PREX1: variants seen among roughly 807,000 people sequenced by gnomAD.
PREX1 encodes phosphatidylinositol 3,4,5-trisphosphate-dependent Rac exchanger 1 protein.
PREX1 carries 41 observed loss-of-function variants against 198.3 expected under a neutral mutation model. That is an observed-to-expected ratio of 0.21 (90% CI 0.16 to 0.27). The LOEUF (loss-of-function observed/expected upper bound fraction) is 0.27, where lower values mean the gene tolerates loss of function less well. Ranked by LOEUF, PREX1 falls within the 10% of genes least tolerant of loss-of-function variation. The pLI is 1.00. For synonymous variants in PREX1, 843 were observed against 887.2 expected, an observed-to-expected ratio of 0.95 and a Z score of 0.89; for missense variants, 1,620 against 2,200.7, an observed-to-expected ratio of 0.74 and a Z score of 5.28.
intron 5 of PREX1, among the ~76,000 whole-genome samples, chr20:48,723,260 G>A (rs2089993966): frequency 6.6e-6 from 1 of 152,174 alleles, no homozygotes; most frequent in African/African-American, 2.4e-5. Flanking sequence ...CCCCTGCAAG[G>A]GCATCTGAAT....
At chr20:48,667,173 G>GA (rs1430592899) in intron 14 of PREX1, among the ~76,000 whole-genome samples, 10 of 152,172 alleles carry the variant, frequency 6.6e-5, no homozygotes, top group Admixed American at 5.9e-4. Flanking sequence ...ACACACTAAG[G>GA]AAGGCAGAGC....
intron 5 of PREX1, among the ~76,000 whole-genome samples, chr20:48,720,660 C>T (rs2089981103): frequency 6.6e-6 from 1 of 152,070 alleles, no homozygotes; most frequent in African/African-American, 2.4e-5. Flanking sequence ...TTCTGGAAAG[C>T]TATGAGTAGT....
At chr20:48,644,185 G>A (rs527777063) in intron 27 of PREX1, among the ~76,000 whole-genome samples, 15 of 152,332 alleles carry the variant, frequency 9.8e-5, no homozygotes, top group Admixed American at 3.3e-4. Flanking sequence ...CTAAGAGGGC[G>A]GAGATGTTTG....
chr20:48,733,555 T>G (rs1430755051), intron 4 of PREX1, among the ~76,000 whole-genome samples: 1 of 152,214 alleles, frequency 6.6e-6, no homozygotes, highest in East Asian at 1.9e-4. Flanking sequence ...CGGGAGAGCC[T>G]GCCTGGGAAT....
chr20:48,881,885 C>G, the PREX1 span, among the ~76,000 whole-genome samples: 1 of 151,956 alleles, frequency 6.6e-6, no homozygotes, highest in Non-Finnish European at 1.5e-5. Context: ...CAAAAGAAAC[C>G]CCATCCCCAT....
intron 19 of PREX1, 37 bp downstream of exon 19, chr20:48,655,253 C>T: frequency 6.7e-7 from 1 of 1,492,128 alleles, no homozygotes; most frequent in Non-Finnish European, 9.2e-7. Context: ...CCACCATCTT[C>T]TGCACCTTTC....
chr20:48,702,610 G>C (rs2089881224), intron 6 of PREX1, among the ~76,000 whole-genome samples: 1 of 152,212 alleles, frequency 6.6e-6, no homozygotes, highest in South Asian at 2.1e-4. Flanking sequence ...TCCAGAGGCT[G>C]GGGTGGTGGG....
chr20:48,860,615 T>A, the PREX1 span, among the ~76,000 whole-genome samples: 2 of 151,598 alleles, frequency 1.3e-5, no homozygotes, highest in Non-Finnish European at 2.9e-5. Flanking sequence ...CCGAGGCGGG[T>A]GGATCATGAG....
At chr20:48,670,484 A>AC (rs894997263) in intron 14 of PREX1, among the ~76,000 whole-genome samples, 2 of 151,324 alleles carry the variant, frequency 1.3e-5, no homozygotes, top group Non-Finnish European at 2.9e-5. Context: ...CAGCCTGCTG[A>AC]CCCCCTGCCC....
chr20:48,677,078 C>T (rs954465032), intron 13 of PREX1, among the ~76,000 whole-genome samples: 3 of 152,232 alleles, frequency 2.0e-5, no homozygotes, highest in East Asian at 1.9e-4. Context: ...CATGCCAAGG[C>T]TGATAAAGTC....
chr20:48,806,251 G>C (rs764211317), intron 1 of PREX1, among the ~76,000 whole-genome samples: 2 of 152,172 alleles, frequency 1.3e-5, no homozygotes, highest in Admixed American at 1.3e-4. Context: ...AGCTCCAGGA[G>C]GACAAAGATC....
At chr20:48,817,927 A>G (rs972698580) in intron 1 of PREX1, among the ~76,000 whole-genome samples, 1 of 152,146 alleles carries the variant, frequency 6.6e-6, no homozygotes, top group African/African-American at 2.4e-5. Context: ...GAGGCAGACA[A>G]TAAGTAATAA....
At chr20:48,864,200 G>T in the PREX1 span, among the ~76,000 whole-genome samples, 1 of 152,172 alleles carries the variant, frequency 6.6e-6, no homozygotes, top group African/African-American at 2.4e-5. Flanking sequence ...AAGAAACTGA[G>T]GCTAAGGGAG....
intron 1 of PREX1, among the ~76,000 whole-genome samples, chr20:48,758,422 G>A (rs1268578934): frequency 2.0e-5 from 3 of 152,146 alleles, no homozygotes; most frequent in African/African-American, 7.2e-5. Context: ...TGGTTGAGGT[G>A]TCGCAATGCA....
At chr20:48,870,253 A>T in the PREX1 span, among the ~76,000 whole-genome samples, 17 of 152,328 alleles carry the variant, frequency 1.1e-4, no homozygotes, top group African/African-American at 3.4e-4. Context: ...ATACTGATTT[A>T]AAAAACTAAA....
intron 5 of PREX1, among the ~76,000 whole-genome samples, chr20:48,722,503 G>C (rs1255050891): frequency 6.6e-6 from 1 of 152,212 alleles, no homozygotes; most frequent in Non-Finnish European, 1.5e-5. Context: ...TCTTTTGGGG[G>C]TGACAGAAAT....
At chr20:48,882,295 G>A in the PREX1 span, among the ~76,000 whole-genome samples, 1 of 152,024 alleles carries the variant, frequency 6.6e-6, no homozygotes, top group Non-Finnish European at 1.5e-5. Context: ...GAGGTCAGGA[G>A]ATCAAGACCA....
chr20:48,788,435 T>G (rs1242830242), intron 1 of PREX1, among the ~76,000 whole-genome samples: 5 of 152,130 alleles, frequency 3.3e-5, no homozygotes, highest in African/African-American at 1.2e-4. Context: ...GCTTCAGCTC[T>G]TTGGCCACCA....
At chr20:48,788,693 G>A (rs2090324017) in intron 1 of PREX1, among the ~76,000 whole-genome samples, 1 of 152,226 alleles carries the variant, frequency 6.6e-6, no homozygotes, top group African/African-American at 2.4e-5. Context: ...CATTTCATGT[G>A]TTGGAAACAA....
Sources: gnomAD v4.1 joint callset for allele counts (sites outside exome capture counted in the v4.1 genomes callset) on GRCh38, gnomAD v4.1.1 for gene constraint, MANE v1.5 for transcripts, NCBI Gene and HGNC (gene_info 2026-07-23, HGNC 2026-07-21) for gene names.